The following RERE variants were observed in gnomAD, a reference collection of about 807,000 sequenced individuals.
The protein encoded by RERE is arginine-glutamic acid dipeptide repeats protein.
RERE carries 40 observed loss-of-function variants against 146.1 expected under a neutral mutation model. The observed-to-expected ratio is 0.27, with a 90% CI of 0.21 to 0.36. RERE has a LOEUF of 0.36. Among genes scored for constraint, RERE ranks in the 10% least tolerant of loss-of-function variants. The pLI is 1.00. For synonymous variants in RERE, 1,003 were observed against 866.0 expected (o/e 1.16, Z -2.78); for missense variants, 1,933 against 2,138.7 (o/e 0.90, Z 1.90).
At chr1:8,659,514 G>A (rs148308570) in intron 1 of RERE, among the ~76,000 whole-genome samples, 1 of 152,228 alleles carries the variant, frequency 6.6e-6, no homozygotes, top group Admixed American at 6.5e-5. Flanking sequence ...CCAAGATTGT[G>A]CCATGGCACT....
chr1:8,519,905 C>T (rs1022748230), intron 7 of RERE: 1 of 152,116 alleles, frequency 6.6e-6, no homozygotes, highest in Non-Finnish European at 1.5e-5. Context: ...TATTCTAACT[C>T]AACTACTGCT....
At chr1:8,676,648 C>A (rs1458974136) in intron 1 of RERE, among the ~76,000 whole-genome samples, 1 of 152,206 alleles carries the variant, frequency 6.6e-6, no homozygotes, top group Non-Finnish European at 1.5e-5. Context: ...TCTCTGCCCT[C>A]AATGAGCCCT....
chr1:8,401,038 C>CATATATATATATATATATATATATAT (rs59752248), intron 12 of RERE, among the ~76,000 whole-genome samples: 8 of 57,476 alleles, frequency 1.4e-4, no homozygotes, highest in African/African-American at 1.7e-4. Context: ...AAAAAAAAAC[C>CATATATATATATATATATATATATAT]ATATATATAT....
At chr1:8,485,361 C>CA (rs761595653) in intron 10 of RERE, among the ~76,000 whole-genome samples, 35 of 151,248 alleles carry the variant, frequency 2.3e-4, no homozygotes, top group South Asian at 6.3e-4. Flanking sequence ...AACTCTGTCT[C>CA]AAAAAAAAGA....
intron 15 of RERE, chr1:8,363,658 G>C: frequency 4.8e-6 from 1 of 208,752 alleles, no homozygotes; most frequent in South Asian, 7.9e-5. Flanking sequence ...TGTATCGGAA[G>C]TTTCCAAAAC....
intron 10 of RERE, among the ~76,000 whole-genome samples, chr1:8,481,835 T>C (rs1357931194): frequency 6.6e-6 from 1 of 152,082 alleles, no homozygotes; most frequent in African/African-American, 2.4e-5. Flanking sequence ...CTAAAAAGAA[T>C]GTGATGAGCA....
intron 2 of RERE, among the ~76,000 whole-genome samples, chr1:8,649,660 G>A (rs929727995): frequency 1.3e-5 from 2 of 151,466 alleles, no homozygotes; most frequent in Admixed American, 1.3e-4. Context: ...AACCCAGGAG[G>A]CGGAGGTTGC....
At chr1:8,811,643 T>C (rs746119749) in intron 1 of RERE, among the ~76,000 whole-genome samples, 1 of 152,146 alleles carries the variant, frequency 6.6e-6, no homozygotes. Flanking sequence ...CTAGGGAACA[T>C]ATACAGGTGC....
chr1:8,765,088 T>C (rs1371681910), intron 1 of RERE, among the ~76,000 whole-genome samples: 1 of 152,172 alleles, frequency 6.6e-6, no homozygotes, highest in Non-Finnish European at 1.5e-5. Flanking sequence ...AGCCAAAAAG[T>C]AGAACCATTC....
At chr1:8,816,429 G>A (rs1168398805) in intron 1 of RERE, among the ~76,000 whole-genome samples, 1 of 152,172 alleles carries the variant, frequency 6.6e-6, no homozygotes, top group Non-Finnish European at 1.5e-5. Context: ...CCTTGGAAAA[G>A]AGACAGAGGA....
At chr1:8,792,383 G>A (rs1392396614) in intron 1 of RERE, 1 of 152,084 alleles carries the variant, frequency 6.6e-6, no homozygotes, top group Non-Finnish European at 1.5e-5. Context: ...GCCACTCAAG[G>A]AGAAAATTTC....
At chr1:8,409,565 C>A (rs1643556743) in intron 12 of RERE, among the ~76,000 whole-genome samples, 1 of 152,196 alleles carries the variant, frequency 6.6e-6, no homozygotes, top group Admixed American at 6.5e-5. Context: ...CTAGGCCAGT[C>A]TGTGAACAGC....
At chr1:8,479,631 G>A (rs1290335001) in intron 10 of RERE, among the ~76,000 whole-genome samples, 2 of 152,170 alleles carry the variant, frequency 1.3e-5, no homozygotes, top group Admixed American at 6.5e-5. Context: ...AGAGAAAGAT[G>A]GGGCCACAGC....
In RERE at chr1:8,359,781, C is replaced by T. The variant is rs1641479311; in HGVS notation, c.3601G>A (p.Glu1201Lys). ...ERERERERER[E>K]AERAAKASSS... The stretch of plus-strand genomic sequence containing the variant: ...GGACTCACAGCCGCCCGCTCTGCCT[C>T]GCGCTCCCGCTCTCGCTCCCGCTCC... The change falls in exon 19 of 23, where the codon GAG becomes AAG. Residue 1201 changes from glutamate (E) to lysine (K), a missense_variant. Glu to Lys is a moderately conservative substitution (Grantham distance 56, BLOSUM62 1). Around this residue, in one of 11 missense-constraint regions of RERE, gnomAD observed 1,255 missense variants for 1,153.8 expected, o/e 1.09. Transcript: ENST00000400908. 1.2e-6 allele frequency: 2 copies of T among 1,601,384 alleles called. No individual in the cohort carries two copies. The highest frequency in any genetic ancestry group is 1.7e-5 in the Admixed American group (1 of 59,896).
At chr1:8,642,610 CTAAT>C (rs1380222289) in intron 2 of RERE, among the ~76,000 whole-genome samples, 1 of 152,102 alleles carries the variant, frequency 6.6e-6, no homozygotes, top group African/African-American at 2.4e-5. Context: ...ATAAACAAGA[CTAAT>C]TTGTAATTCA....
chr1:8,443,468 AAAAAAAAAAAAG>A (rs1185824408), intron 11 of RERE, among the ~76,000 whole-genome samples: 25 of 151,196 alleles, frequency 1.7e-4, no homozygotes, highest in African/African-American at 6.1e-4. Context: ...AGAAAAAAAA[AAAAAAAAAAAAG>A]AAAGAAAAGC....
intron 1 of RERE, among the ~76,000 whole-genome samples, chr1:8,808,683 T>A (rs112993462): frequency 2.6e-5 from 4 of 151,336 alleles, no homozygotes; most frequent in Non-Finnish European, 5.9e-5. Flanking sequence ...TTTTCTGCAA[T>A]AGCATAATAG....
intron 7 of RERE, among the ~76,000 whole-genome samples, chr1:8,529,926 C>A (rs1398631033): frequency 1.3e-5 from 2 of 152,180 alleles, no homozygotes; most frequent in African/African-American, 4.8e-5. Flanking sequence ...GTACCCTACT[C>A]AGTGCTTAAG....
At chr1:8,755,891 T>TC (rs1466622460) in intron 1 of RERE, among the ~76,000 whole-genome samples, 2 of 152,048 alleles carry the variant, frequency 1.3e-5, no homozygotes, top group Non-Finnish European at 2.9e-5. Flanking sequence ...ATAGTGAGAC[T>TC]CCGTCTCCAC....
Sources: gnomAD v4.1 joint callset for allele counts (sites outside exome capture counted in the v4.1 genomes callset) on GRCh38, gnomAD v4.1.1 for gene constraint, gnomAD v4.1.1 regional missense constraint, MANE v1.5 for transcripts, NCBI Gene and HGNC (gene_info 2026-07-23, HGNC 2026-07-21) for gene names.